PUS7: variants seen among roughly 807,000 people sequenced by gnomAD.
PUS7 encodes the protein pseudouridylate synthase 7 homolog.
A neutral mutation model predicts 79.8 loss-of-function variants in PUS7; 48 were observed. The observed-to-expected ratio is 0.60, with a 90% CI of 0.48 to 0.76. PUS7 has a LOEUF of 0.76. PUS7 is among the 30% of genes least tolerant of loss of function. PUS7 has a pLI of 0.00. For synonymous variants in PUS7, 286 were observed against 272.2 expected (o/e 1.05, Z -0.50); for missense variants, 729 against 797.6 (o/e 0.91, Z 1.04).
chr7:105,505,860 G>A, intron 4 of PUS7, 95 bp downstream of exon 4: 2 of 1,018,900 alleles, frequency 2.0e-6, no homozygotes, highest in Non-Finnish European at 2.9e-6. Context: ...GTCACCCTTT[G>A]TTAACCATTG....
intron 7 of PUS7, among the ~76,000 whole-genome samples, chr7:105,491,261 A>G (rs1234328580): frequency 6.6e-6 from 1 of 152,218 alleles, no homozygotes; most frequent in Non-Finnish European, 1.5e-5. Flanking sequence ...CAGCATGTTC[A>G]CTATGTTGTA....
chr7:105,506,902 C>T (rs976535234), intron 2 of PUS7, among the ~76,000 whole-genome samples: 2 of 152,084 alleles, frequency 1.3e-5, no homozygotes, highest in African/African-American at 2.4e-5. Context: ...ACAAAATATG[C>T]TATATGGTTA....
At chr7:105,487,443 C>T (rs956570330) in intron 7 of PUS7, among the ~76,000 whole-genome samples, 1 of 151,970 alleles carries the variant, frequency 6.6e-6, no homozygotes, top group Non-Finnish European at 1.5e-5. Flanking sequence ...TTTTTGTGGC[C>T]GAATAGTAGT....
At chr7:105,520,704 GGAGTGA>G (rs1433484786) in intron 1 of PUS7, among the ~76,000 whole-genome samples, 2 of 151,402 alleles carry the variant, frequency 1.3e-5, no homozygotes, top group Non-Finnish European at 2.9e-5. Context: ...CCTGGGTGAT[GGAGTGA>G]GACTCCGTCT....
chr7:105,500,669 A>C (rs1825209911), intron 5 of PUS7, among the ~76,000 whole-genome samples: 1 of 152,140 alleles, frequency 6.6e-6, no homozygotes, highest in Non-Finnish European at 1.5e-5. Flanking sequence ...GGGTTCCCTG[A>C]GAGAATTAGG....
intron 9 of PUS7, among the ~76,000 whole-genome samples, chr7:105,475,798 T>C (rs998485165): frequency 1.3e-5 from 2 of 152,096 alleles, no homozygotes; most frequent in African/African-American, 4.8e-5. Context: ...TCCACAACTT[T>C]TTAATCTTCC....
At chr7:105,498,474 G>C (rs1041769427) in intron 5 of PUS7, among the ~76,000 whole-genome samples, 3 of 152,118 alleles carry the variant, frequency 2.0e-5, no homozygotes, top group African/African-American at 4.8e-5. Flanking sequence ...AGCTTCTGAG[G>C]GCCTAACAAG....
intron 5 of PUS7, among the ~76,000 whole-genome samples, chr7:105,497,615 A>T (rs981582296): frequency 3.3e-5 from 5 of 152,242 alleles, no homozygotes; most frequent in Admixed American, 1.3e-4. Context: ...TTTTTGAGAT[A>T]CAGCAAAACC....
chr7:105,519,328 C>T (rs778150238), intron 1 of PUS7, among the ~76,000 whole-genome samples: 12 of 151,502 alleles, frequency 7.9e-5, no homozygotes, highest in East Asian at 7.8e-4. Context: ...CCACTTCCAG[C>T]GTTCCGGCGA....
chr7:105,501,492 A>C (rs1157191067), intron 5 of PUS7, among the ~76,000 whole-genome samples: 3 of 152,196 alleles, frequency 2.0e-5, no homozygotes, highest in Non-Finnish European at 4.4e-5. Flanking sequence ...TCAGTGACTC[A>C]CTGGGACTAT....
chr7:105,459,511 C>G (rs1164523647), intron 14 of PUS7, among the ~76,000 whole-genome samples: 2 of 150,512 alleles, frequency 1.3e-5, no homozygotes, highest in Admixed American at 6.6e-5. Context: ...GATCTTGGCT[C>G]ACTGCAACCT....
At position 105,504,082 on chromosome 7, in the gene PUS7, T is replaced by C. The variant is rs552697394; in HGVS notation, c.586-1518A>G. On this transcript the variant is annotated intron_variant, in intron 4 of 15. Coordinates refer to ENST00000469408, the MANE Select transcript of PUS7 (RefSeq NM_019042.5). Reference sequence around the variant, plus strand: ...AAACTTGATGACACTTTTTTTTTTTTTTTTGAGACACAGTTTCACTCTTGT... The same window carrying C: ...AAACTTGATGACACTTTTTTTTTTTCTTTTGAGACACAGTTTCACTCTTGT... Among the ~76,000 whole-genome samples the C allele has an allele frequency of 2.6e-5, 4 of 151,758 alleles. No homozygotes were observed. In the East Asian group the frequency reaches 7.8e-4, roughly 29 times the overall value.
intron 10 of PUS7, 41 bp from the exon 11 acceptor site, chr7:105,470,889 A>G: frequency 6.6e-7 from 1 of 1,510,938 alleles, no homozygotes; most frequent in East Asian, 2.3e-5. Flanking sequence ...CTTACCCAAT[A>G]GACAGACTTC....
At chr7:105,516,722 T>C (rs1825909803) in intron 1 of PUS7, among the ~76,000 whole-genome samples, 4 of 152,150 alleles carry the variant, frequency 2.6e-5, no homozygotes, top group Middle Eastern at 6.8e-3. Flanking sequence ...CCAAAGTTCC[T>C]GGGATTACAG....
intron 1 of PUS7, among the ~76,000 whole-genome samples, chr7:105,516,828 G>A (rs1189051036): frequency 2.6e-5 from 4 of 152,010 alleles, no homozygotes; most frequent in African/African-American, 7.2e-5. Context: ...AGAGGCCTGA[G>A]AGAATTAAAT....
At position 105,470,728 on chromosome 7, in the gene PUS7, G is replaced by C. The variant is rs1369180660; in HGVS notation, c.1358C>G (p.Ser453Ter). Residue 453 changes from serine to a stop codon, truncating the protein, a stop_gained, in exon 11 of 16, where the codon TCA becomes TGA. Transcript: ENST00000469408. LOFTEE classifies it high-confidence loss of function. ...GACTATATTCTTCATTCCATATTTT[G>C]AAAGTCCTCGAAGCAGCTGCCCTTC... ...CVEGQLLRGL[S>*]KYGMKNIVSA... 9 of 1,609,684 alleles carry C rather than the reference G, an allele frequency of 5.6e-6. No homozygotes were observed. The highest frequency in any genetic ancestry group is 6.8e-6 in the Non-Finnish European group (8 of 1,176,798).
At position 105,520,965 on chromosome 7, in the gene PUS7, G is replaced by A. The variant is rs184888184; in HGVS notation, c.-33+1087C>T. On this transcript the variant is annotated intron_variant, in intron 1 of 15. Transcript: ENST00000469408. ...CAAGGCTGCAGTGAGCGATGATCAC[G>A]CAACTGCACTCCAGCCTGGGCAACA... 9.9e-5 allele frequency among the ~76,000 whole-genome samples: 15 copies of A among 152,140 alleles called. No individual in the cohort carries two copies. In the East Asian group the frequency reaches 1.5e-3, roughly 16 times the overall value.
intron 1 of PUS7, among the ~76,000 whole-genome samples, chr7:105,518,625 C>T (rs2133303740): frequency 6.6e-6 from 1 of 152,232 alleles, no homozygotes; most frequent in East Asian, 1.9e-4. Context: ...GTCTCAAACT[C>T]CTGAGCTCAA....
chr7:105,505,889 C>A, intron 4 of PUS7, 66 bp downstream of exon 4: 1 of 1,268,776 alleles, frequency 7.9e-7, no homozygotes, highest in Non-Finnish European at 1.1e-6. Context: ...TCCATAAACA[C>A]TTAACATCCA....
Sources: allele counts gnomAD v4.1 joint callset (sites outside exome capture counted in the v4.1 genomes callset), GRCh38; gene constraint gnomAD v4.1.1; transcripts MANE v1.5; gene names NCBI Gene and HGNC (gene_info 2026-07-23, HGNC 2026-07-21).